PLS3: variants seen among roughly 807,000 people sequenced by gnomAD.
The protein encoded by PLS3 is plastin-3.
PLS3 carries 11 observed loss-of-function variants against 46.5 expected under a neutral mutation model. The ratio of observed to expected loss-of-function variants is 0.24; its 90% CI spans 0.15 to 0.39. The LOEUF (loss-of-function observed/expected upper bound fraction) is 0.39, where lower values mean the gene tolerates loss of function less well. Ranked by LOEUF, PLS3 falls within the 10% of genes least tolerant of loss-of-function variation. The probability of loss-of-function intolerance (pLI) is 1.00; values close to 1 mark genes in which losing one functional copy is unlikely to be tolerated. For missense variants in PLS3, 308 were observed against 461.8 expected, an observed-to-expected ratio of 0.67 and a Z score of 3.05; for synonymous variants, 167 against 162.2, an observed-to-expected ratio of 1.03 and a Z score of -0.22.
At chrX:115,625,341 CAAA>C (rs1484813904) in intron 3 of PLS3, among the ~76,000 whole-genome samples, 1 of 109,436 alleles carries the variant, frequency 9.1e-6, no homozygotes, top group African/African-American at 3.3e-5. Context: ...GTGTGTATGG[CAAA>C]AAACAGTCCC....
intron 3 of PLS3, among the ~76,000 whole-genome samples, chrX:115,623,951 C>T (rs1388692887): frequency 2.7e-5 from 3 of 112,151 alleles, no homozygotes; most frequent in Middle Eastern, 4.6e-3. Context: ...ACTTGTCGGC[C>T]GGGCACGGTG....
At chrX:115,612,834 C>T (rs984064022) in intron 2 of PLS3, among the ~76,000 whole-genome samples, 16 of 111,896 alleles carry the variant, frequency 1.4e-4, no homozygotes, top group African/African-American at 4.2e-4. Context: ...GCTCCAAGCT[C>T]ATGTAATTAT....
chrX:115,595,746 G>A (rs2074382177), intron 1 of PLS3, among the ~76,000 whole-genome samples: 1 of 93,086 alleles, frequency 1.1e-5, no homozygotes. Context: ...CTGGAGTGCA[G>A]TGGCACGATC....
At chrX:115,647,019 C>T (rs1273313677) in intron 13 of PLS3, among the ~76,000 whole-genome samples, 4 of 111,908 alleles carry the variant, frequency 3.6e-5, no homozygotes, top group Non-Finnish European at 5.6e-5. Context: ...CATTAAAGCA[C>T]TGTCAATCTG....
chrX:115,612,704 T>A (rs1437835287), intron 2 of PLS3, among the ~76,000 whole-genome samples: 2 of 111,726 alleles, frequency 1.8e-5, no homozygotes, highest in African/African-American at 6.5e-5. Flanking sequence ...TAATTACTGC[T>A]AATCATAGGT....
intron 1 of PLS3, among the ~76,000 whole-genome samples, chrX:115,573,804 A>T (rs1556630938): frequency 9.0e-6 from 1 of 110,928 alleles, no homozygotes; most frequent in African/African-American, 3.3e-5. Context: ...CCCAGGTTCA[A>T]GCAATTCTCC....
In PLS3 at chrX:115,614,617, C is replaced by T. The variant is rs782437306; in HGVS notation, c.73+4294C>T. ...GCTGCCTTTTCTAAGGATTTAATGC[C>T]TAATGAAAGCTTGATTTCACTGCTT... is the stretch of plus-strand genomic sequence containing the variant. On this transcript the variant is annotated intron_variant, in intron 2 of 15. Transcript: ENST00000355899. 8.4e-6 allele frequency: 5 copies of T among 597,480 alleles called. No individual in the cohort carries two copies. In the South Asian group the frequency reaches 4.4e-4, roughly 53 times the overall value. 49.2% of individuals were successfully genotyped at this position (597,480 alleles called of 1,213,427 possible). A position where few individuals can be genotyped will look rare whatever the true frequency, so the allele number is the denominator to read the frequency against.
chrX:115,575,735 G>A (rs1352721552), intron 1 of PLS3, among the ~76,000 whole-genome samples: 1 of 110,708 alleles, frequency 9.0e-6, no homozygotes, highest in African/African-American at 3.4e-5. Context: ...GAGCCACCGC[G>A]CCTGGCCTCT....
intron 1 of PLS3, among the ~76,000 whole-genome samples, chrX:115,595,751 A>G (rs782272466): frequency 0.022 from 2,002 of 91,349 alleles, 63 homozygotes; most frequent in African/African-American, 0.078. Flanking sequence ...GTGCAGTGGC[A>G]CGATCTTGGC....
chrX:115,632,899 T>C (rs1556639619), intron 5 of PLS3, among the ~76,000 whole-genome samples: 1 of 107,415 alleles, frequency 9.3e-6, no homozygotes, highest in African/African-American at 3.4e-5. Context: ...GCCTAGCTAA[T>C]TTTTTTTTTA....
Position 115,639,913 on chromosome X carries a change from T to C in PLS3, c.892-495T>C. The C allele has an allele frequency of 1.1e-5, 5 of 440,575 alleles. No individual in the cohort carries two copies. In the South Asian group the frequency reaches 1.6e-4, roughly 14 times the overall value. The allele number at this position is 440,575 out of a possible 1,213,427, so 36.3% of individuals were successfully genotyped here. On this transcript the variant is annotated intron_variant, in intron 8 of 15. Transcript: ENST00000355899. ...GAGGGTTCAGTGTTATTTTAGCAAC[T>C]AAAATGTTTACCATTTAATGCTTTT...
At chrX:115,614,310 A>G in intron 2 of PLS3, 1 of 753,081 alleles carries the variant, frequency 1.3e-6, no homozygotes, top group South Asian at 6.8e-5. Context: ...AGCAGGGGAA[A>G]AATGATGGCC....
intron 8 of PLS3, among the ~76,000 whole-genome samples, chrX:115,638,719 AT>A (rs1391068243): frequency 5.8e-4 from 52 of 89,049 alleles, no homozygotes; most frequent in African/African-American, 1.7e-3. Context: ...TTTTTTGTTT[AT>A]TTTTTTTTTT....
At chrX:115,582,417 A>G (rs2074284209) in intron 1 of PLS3, among the ~76,000 whole-genome samples, 1 of 112,431 alleles carries the variant, frequency 8.9e-6, no homozygotes, top group South Asian at 3.7e-4. Context: ...GTCAGTTACA[A>G]TCCAGTCTGT....
chrX:115,613,725 T>C lies in PLS3; in HGVS notation c.73+3402T>C, dbSNP rs181979208. On this transcript the variant is annotated intron_variant, in intron 2 of 15. Transcript: ENST00000355899. The stretch of plus-strand genomic sequence containing the variant: ...ATTTTTATTTTTATTTTGAGACTCC[T>C]GGGCTCAAGTGATCCTCCCACCTCG... 2.7e-5 allele frequency among the ~76,000 whole-genome samples: 3 copies of C among 110,553 alleles called. No individual in the cohort carries two copies. The East Asian group carries it at 8.6e-4, about 32-fold the overall frequency.
At chrX:115,614,168 A>T (rs955373502) in intron 2 of PLS3, 2 of 142,332 alleles carry the variant, frequency 1.4e-5, no homozygotes, top group African/African-American at 6.6e-5. Flanking sequence ...ACGGAGTTTC[A>T]CCGTGTTAGC....
intron 2 of PLS3, chrX:115,614,102 C>T (rs1213411480): frequency 8.8e-6 from 1 of 113,816 alleles, no homozygotes; most frequent in African/African-American, 3.3e-5. Context: ...AGGTGGCAGA[C>T]TACAGGCGCC....
At chrX:115,600,289 T>G (rs782315556) in intron 1 of PLS3, among the ~76,000 whole-genome samples, 1 of 109,596 alleles carries the variant, frequency 9.1e-6, no homozygotes, top group African/African-American at 3.4e-5. Context: ...GCTGGCTGAT[T>G]TAATTTTTTT....
intron 1 of PLS3, among the ~76,000 whole-genome samples, chrX:115,607,813 T>A (rs1405303524): frequency 2.7e-5 from 3 of 112,128 alleles, no homozygotes; most frequent in African/African-American, 9.7e-5. Flanking sequence ...GATGGTTTTA[T>A]TTAATTTTTA....
Sources: allele counts gnomAD v4.1 joint callset (sites outside exome capture counted in the v4.1 genomes callset), GRCh38; gene constraint gnomAD v4.1.1; transcripts MANE v1.5; gene names NCBI Gene and HGNC (gene_info 2026-07-23, HGNC 2026-07-21).